Variants in LGR5 observed in about 807,000 individuals in gnomAD.
LGR5 encodes the protein leucine rich repeat containing G protein-coupled receptor 5.
A neutral mutation model predicts 76.7 loss-of-function variants in LGR5; 54 were observed. The observed-to-expected ratio is 0.70, with a 90% CI of 0.57 to 0.88. The LOEUF is 0.88. Among genes scored for constraint, LGR5 ranks in the 40% least tolerant of loss-of-function variants. LGR5 has a pLI of 0.00. For missense variants in LGR5, 1,078 were observed against 1,073.3 expected (o/e 1.00, Z -0.06); for synonymous variants, 406 against 421.9 (o/e 0.96, Z 0.46).
intron 1 of LGR5, among the ~76,000 whole-genome samples, chr12:71,503,578 A>G (rs566859886): frequency 2.3e-4 from 35 of 152,364 alleles, no homozygotes; most frequent in African/African-American, 8.2e-4. Flanking sequence ...ATTGTGAATG[A>G]AATCAGCTGG....
intron 5 of LGR5, among the ~76,000 whole-genome samples, chr12:71,554,709 T>G (rs1242683975): frequency 2.0e-5 from 3 of 152,346 alleles, no homozygotes; most frequent in Non-Finnish European, 4.4e-5. Context: ...TCTTTCATTG[T>G]CATATTTTTC....
intron 5 of LGR5, among the ~76,000 whole-genome samples, chr12:71,556,418 A>G (rs1377249185): frequency 6.6e-6 from 1 of 152,222 alleles, no homozygotes; most frequent in African/African-American, 2.4e-5. Flanking sequence ...GCTAAAAGGT[A>G]AAAAACTGTG....
intron 12 of LGR5, among the ~76,000 whole-genome samples, chr12:71,572,373 C>A (rs532496267): frequency 6.6e-6 from 1 of 152,180 alleles, no homozygotes. Flanking sequence ...TGAGCCACCG[C>A]GCCCGGCCAA....
intron 4 of LGR5, among the ~76,000 whole-genome samples, chr12:71,548,815 TACACACAC>T (rs71068775): frequency 1.5e-3 from 228 of 148,104 alleles, no homozygotes; most frequent in East Asian, 0.011. Flanking sequence ...CTAAGGTGCC[TACACACAC>T]ACACACACAC....
At chr12:71,506,153 T>A (rs111470303) in intron 2 of LGR5, among the ~76,000 whole-genome samples, 1 of 152,130 alleles carries the variant, frequency 6.6e-6, no homozygotes, top group Non-Finnish European at 1.5e-5. Flanking sequence ...CATCAGAATT[T>A]TAAAAAATTA....
intron 1 of LGR5, among the ~76,000 whole-genome samples, chr12:71,475,522 A>G (rs1374431995): frequency 1.3e-5 from 2 of 152,158 alleles, no homozygotes; most frequent in Non-Finnish European, 2.9e-5. Context: ...GTGTTGCAAC[A>G]CAAGCACTTC....
intron 1 of LGR5, among the ~76,000 whole-genome samples, chr12:71,495,081 G>C (rs1323767026): frequency 6.6e-6 from 1 of 150,780 alleles, no homozygotes; most frequent in Non-Finnish European, 1.5e-5. Flanking sequence ...GCGTAGTCGG[G>C]GGGGGTCTCC....
chr12:71,582,413 AAG>A, intron 16 of LGR5, 41 bp from the exon 17 acceptor site: 2 of 1,539,168 alleles, frequency 1.3e-6, no homozygotes, highest in South Asian at 1.1e-5. Flanking sequence ...GTCCCTTGAA[AAG>A]AGAGTCAGAA....
At chr12:71,453,431 G>T (rs1051583921) in intron 1 of LGR5, among the ~76,000 whole-genome samples, 7 of 150,224 alleles carry the variant, frequency 4.7e-5, no homozygotes, top group South Asian at 2.1e-4. Context: ...CCCAGAATTT[G>T]TAGTCCTGGG....
chr12:71,469,657 A>T (rs1873012614), intron 1 of LGR5, among the ~76,000 whole-genome samples: 1 of 152,222 alleles, frequency 6.6e-6, no homozygotes, highest in Non-Finnish European at 1.5e-5. Context: ...TGAAAGGATA[A>T]ACGCATGAAG....
At chr12:71,446,325 C>T (rs781733942) in intron 1 of LGR5, among the ~76,000 whole-genome samples, 4 of 152,156 alleles carry the variant, frequency 2.6e-5, no homozygotes, top group Non-Finnish European at 5.9e-5. Flanking sequence ...TTAACACATG[C>T]CATGATTTAC....
chr12:71,508,342 G>A (rs1393952899), intron 2 of LGR5, among the ~76,000 whole-genome samples: 1 of 152,196 alleles, frequency 6.6e-6, no homozygotes, highest in Admixed American at 6.5e-5. Context: ...GTTATAAACT[G>A]TGTAGATAGC....
At chr12:71,551,483 A>C (rs1245092018) in intron 4 of LGR5, among the ~76,000 whole-genome samples, 1 of 152,218 alleles carries the variant, frequency 6.6e-6, no homozygotes, top group Non-Finnish European at 1.5e-5. Context: ...CCACTAAAAT[A>C]CAACTCTTCT....
Position 71,446,005 on chromosome 12 carries a change from A to G in LGR5, c.212+5713A>G, listed in dbSNP as rs547245920. On this transcript the variant is annotated intron_variant, in intron 1 of 17. Coordinates refer to ENST00000266674, the MANE Select transcript of LGR5 (RefSeq NM_003667.4). ...GGTTTCATGGTGGGCTCTTTCCTTCAGGGCTTATTCTTCTTCTTTGGCTGT... is the reference window on the plus strand; with the variant it reads ...GGTTTCATGGTGGGCTCTTTCCTTCGGGGCTTATTCTTCTTCTTTGGCTGT... 1.2e-4 allele frequency among the ~76,000 whole-genome samples: 18 copies of G among 152,268 alleles called. No individual in the cohort carries two copies. In the South Asian group the frequency reaches 1.9e-3, roughly 16 times the overall value.
At chr12:71,512,145 T>A (rs755859859) in intron 2 of LGR5, among the ~76,000 whole-genome samples, 34 of 152,004 alleles carry the variant, frequency 2.2e-4, no homozygotes, top group Non-Finnish European at 4.1e-4. Context: ...GCACCCGCCA[T>A]CATGCCCAGC....
At chr12:71,508,254 A>G (rs1592499832) in intron 2 of LGR5, among the ~76,000 whole-genome samples, 1 of 152,050 alleles carries the variant, frequency 6.6e-6, no homozygotes, top group African/African-American at 2.4e-5. Flanking sequence ...ATCACTATTA[A>G]TAAAGCCACA....
Position 71,554,018 on chromosome 12 carries a change from GT to G in LGR5, c.644+732del, listed in dbSNP as rs565351989. 2.8e-3 allele frequency among the ~76,000 whole-genome samples: 421 copies of G among 152,234 alleles called. 5 individuals are homozygous for G. The highest frequency in any genetic ancestry group is 9.9e-3 in the African/African-American group (410 of 41,516). ...AGGCCGGAGGATCAATTGAACCCAG[GT>G]TGCAGTGAGCCAAGATTGTGCCACT... On this transcript the variant is annotated intron_variant, in intron 5 of 17. Coordinates refer to ENST00000266674, the MANE Select transcript of LGR5 (RefSeq NM_003667.4).
At chr12:71,504,905 C>A (rs1874783799) in intron 2 of LGR5, among the ~76,000 whole-genome samples, 2 of 152,184 alleles carry the variant, frequency 1.3e-5, no homozygotes, top group African/African-American at 2.4e-5. Context: ...AAGGCTACAA[C>A]TTTCTAAGGT....
At chr12:71,468,380 G>T (rs1592465696) in intron 1 of LGR5, among the ~76,000 whole-genome samples, 1 of 152,134 alleles carries the variant, frequency 6.6e-6, no homozygotes, top group East Asian at 1.9e-4. Context: ...CTTGTTTGAG[G>T]CACAATTGCA....
Sources: allele counts gnomAD v4.1 joint callset (sites outside exome capture counted in the v4.1 genomes callset), GRCh38; gene constraint gnomAD v4.1.1; transcripts MANE v1.5; gene names NCBI Gene and HGNC (gene_info 2026-07-23, HGNC 2026-07-21).